Variants in DIP2C observed in about 807,000 individuals in gnomAD.
DIP2C encodes the protein DIP2 acetate--CoA ligase C (putative).
A neutral mutation model predicts 192.4 loss-of-function variants in DIP2C; 33 were observed. The ratio of observed to expected loss-of-function variants is 0.17; its 90% CI spans 0.13 to 0.23. DIP2C has a LOEUF of 0.23. Among genes scored for constraint, DIP2C ranks in the 10% least tolerant of loss-of-function variants. The probability of loss-of-function intolerance (pLI) is 1.00; values close to 1 mark genes in which losing one functional copy is unlikely to be tolerated. For synonymous variants in DIP2C, 979 were observed against 864.1 expected, an observed-to-expected ratio of 1.13 and a Z score of -2.33; for missense variants, 1,537 against 2,110.1, an observed-to-expected ratio of 0.73 and a Z score of 5.32.
At chr10:483,676 G>A (rs577981649) in intron 2 of DIP2C, among the ~76,000 whole-genome samples, 18 of 152,312 alleles carry the variant, frequency 1.2e-4, no homozygotes, top group African/African-American at 3.8e-4. Flanking sequence ...GAGAGGGTGC[G>A]AGGGAATCAG....
intron 1 of DIP2C, among the ~76,000 whole-genome samples, chr10:642,416 C>T (rs939440094): frequency 1.3e-5 from 2 of 152,250 alleles, no homozygotes; most frequent in Admixed American, 1.3e-4. Context: ...TCATCTAATG[C>T]ATGCCAGAGG....
chr10:297,597 CACTCATATGTGGAAGCTAAAGA>C (rs1300202461), intron 32 of DIP2C, among the ~76,000 whole-genome samples: 3 of 152,158 alleles, frequency 2.0e-5, no homozygotes, highest in African/African-American at 7.2e-5. Flanking sequence ...TACACGTTCT[CACTCATATGTGGAAGCTAAAGA>C]AAGATGATTT....
At chr10:558,702 C>T (rs558513860) in intron 1 of DIP2C, among the ~76,000 whole-genome samples, 44 of 152,312 alleles carry the variant, frequency 2.9e-4, no homozygotes, top group Admixed American at 1.0e-3. Context: ...CTGTAACATG[C>T]TTATCTATAC....
At chr10:661,651 G>A (rs142042134) in intron 1 of DIP2C, among the ~76,000 whole-genome samples, 11 of 152,118 alleles carry the variant, frequency 7.2e-5, no homozygotes, top group East Asian at 1.9e-4. Flanking sequence ...TGGGTCTTCC[G>A]ACCCTTCCTC....
At chr10:352,433 C>T (rs55653365) in intron 24 of DIP2C, among the ~76,000 whole-genome samples, 1 of 152,242 alleles carries the variant, frequency 6.6e-6, no homozygotes, top group Non-Finnish European at 1.5e-5. Flanking sequence ...AACAGCAAAG[C>T]TTCCAGGCAC....
intron 1 of DIP2C, among the ~76,000 whole-genome samples, chr10:522,366 A>T (rs1416754979): frequency 1.3e-5 from 2 of 152,246 alleles, no homozygotes; most frequent in Non-Finnish European, 2.9e-5. Context: ...TGGCAGTTAT[A>T]AAAGCTGCTG....
At chr10:461,868 TAAG>T (rs1416633185) in intron 3 of DIP2C, among the ~76,000 whole-genome samples, 1 of 152,186 alleles carries the variant, frequency 6.6e-6, no homozygotes, top group African/African-American at 2.4e-5. Context: ...AACTCACAGT[TAAG>T]AAACTCACTC....
chr10:399,179 A>G lies in DIP2C; in HGVS notation c.1190T>C (p.Met397Thr), dbSNP rs753015952. The change falls in exon 10 of 37, where the codon ATG (methionine) becomes ACG (threonine). Residue 397 changes from methionine to threonine, a missense_variant. By Grantham distance (81) the Met-to-Thr change is moderately conservative. Around this residue, in one of 4 missense-constraint regions of DIP2C, gnomAD observed 677 missense variants for 989.9 expected, o/e 0.68. Transcript: ENST00000280886. ...CAGCAGGCAGCCGTAGAAAGCCGCCATGAAGGCAGCCGGATCATTGTTGGG... is the reference window on the plus strand; with the variant it reads ...CAGCAGGCAGCCGTAGAAAGCCGCCGTGAAGGCAGCCGGATCATTGTTGGG... ...VFPNNDPAAF[M>T]AAFYGCLLAE... is the part of the protein sequence containing the mutation. 1.9e-6 allele frequency: 3 copies of G among 1,614,104 alleles called. No individual in the cohort carries two copies. The highest frequency in any genetic ancestry group is 1.7e-5 in the Admixed American group (1 of 60,024).
chr10:376,951 G>A (rs1037512539), intron 17 of DIP2C, among the ~76,000 whole-genome samples: 1 of 152,150 alleles, frequency 6.6e-6, no homozygotes, highest in Non-Finnish European at 1.5e-5. Flanking sequence ...GTGAGATTGC[G>A]ATTTTTAATA....
At chr10:426,802 C>A (rs1375882996) in intron 4 of DIP2C, among the ~76,000 whole-genome samples, 1 of 151,944 alleles carries the variant, frequency 6.6e-6, no homozygotes, top group Non-Finnish European at 1.5e-5. Context: ...GTACCCAACA[C>A]ACCAAAAAGA....
intron 1 of DIP2C, among the ~76,000 whole-genome samples, chr10:583,272 G>T (rs192457190): frequency 2.6e-5 from 4 of 152,250 alleles, no homozygotes; most frequent in Non-Finnish European, 5.9e-5. Context: ...TCACTAAAGC[G>T]CAAAGGAGAA....
intron 23 of DIP2C, among the ~76,000 whole-genome samples, chr10:356,915 G>C (rs993702331): frequency 1.3e-5 from 2 of 152,208 alleles, no homozygotes; most frequent in African/African-American, 4.8e-5. Flanking sequence ...TGGCTACAGT[G>C]AGAGAATCAG....
At chr10:685,485 C>T (rs375730665) in intron 1 of DIP2C, among the ~76,000 whole-genome samples, 315 of 152,118 alleles carry the variant, frequency 2.1e-3, no homozygotes, top group African/African-American at 5.5e-3. Flanking sequence ...CAAAAACCAA[C>T]AATTTTTGCA....
rs867196682 is a variant in DIP2C, at chr10:417,846, G to A, written c.739+1219C>T. Among the ~76,000 whole-genome samples the A allele has an allele frequency of 6.0e-4, 50 of 82,918 alleles. 1 individual carries two copies. The highest frequency in any genetic ancestry group is 8.9e-4 in the African/African-American group (15 of 16,858). The allele number at this position is 82,918 out of a possible 152,430, so 54.4% of individuals were successfully genotyped here. A position where few individuals can be genotyped will look rare whatever the true frequency, so the allele number is the denominator to read the frequency against. On this transcript the variant is annotated intron_variant, in intron 6 of 36. Coordinates refer to ENST00000280886, the MANE Select transcript of DIP2C (RefSeq NM_014974.3). ...CGCGGACAGGCCTCCCTGTCCACCT[G>A]CACCTGTCAGAGCTCGGACAGGCCT...
rs1213442789 is a variant in DIP2C, at chr10:472,504, G to C, written c.203C>G (p.Pro68Arg). The stretch of plus-strand genomic sequence containing the variant: ...GCGGTGGTAGCGAGAGGCGGAGGAA[G>C]GAGTGACAGGAGCCCGGCGTTCTTG... ...LPQERRAPVT[P>R]SSASRYHRRR... Residue 68 changes from proline (P) to arginine (R), a missense_variant, in exon 3 of 37, where the codon CCT (proline) becomes CGT (arginine). Physicochemically the swap from Pro to Arg is moderately radical, Grantham distance 103. Coordinates refer to ENST00000280886, the MANE Select transcript of DIP2C (RefSeq NM_014974.3). 3 of 1,614,066 alleles carry C rather than the reference G, an allele frequency of 1.9e-6. No individual in the cohort carries two copies. Among genetic ancestry groups the C allele is most frequent in the African/African-American group, 2.7e-5 (2 of 74,926 alleles).
At chr10:536,082 T>C (rs920012126) in intron 1 of DIP2C, among the ~76,000 whole-genome samples, 2 of 152,210 alleles carry the variant, frequency 1.3e-5, no homozygotes, top group African/African-American at 4.8e-5. Context: ...TCTCCCAGTC[T>C]GGGAGCCAGA....
chr10:592,316 T>C (rs893557984), intron 1 of DIP2C, among the ~76,000 whole-genome samples: 2 of 152,146 alleles, frequency 1.3e-5, no homozygotes, highest in African/African-American at 4.8e-5. Context: ...TCATGTTGCC[T>C]CCGTAGCAGC....
intron 32 of DIP2C, among the ~76,000 whole-genome samples, chr10:289,319 G>C (rs1048279305): frequency 1.3e-5 from 2 of 151,740 alleles, no homozygotes; most frequent in African/African-American, 4.8e-5. Flanking sequence ...ACTCAACCTG[G>C]AGTACAGTGG....
intron 1 of DIP2C, among the ~76,000 whole-genome samples, chr10:618,000 C>A (rs1363646058): frequency 6.6e-6 from 1 of 152,226 alleles, no homozygotes; most frequent in Non-Finnish European, 1.5e-5. Flanking sequence ...TCACGTCCAC[C>A]TCACCAGCAT....
Sources: gnomAD v4.1 joint callset for allele counts (sites outside exome capture counted in the v4.1 genomes callset) on GRCh38, gnomAD v4.1.1 for gene constraint, gnomAD v4.1.1 regional missense constraint, MANE v1.5 for transcripts, NCBI Gene and HGNC (gene_info 2026-07-23, HGNC 2026-07-21) for gene names.